Variants in DNAJC17 observed in about 807,000 individuals in gnomAD.
The protein encoded by DNAJC17 is dnaJ homolog subfamily C member 17.
In DNAJC17, 35 loss-of-function variants were observed where a neutral mutation model predicts 48.1. That is an observed-to-expected ratio of 0.73 (90% CI 0.56 to 0.96). DNAJC17 has a LOEUF of 0.96. Among genes scored for constraint, DNAJC17 ranks in the 50% least tolerant of loss-of-function variants. The pLI is 0.00. For synonymous variants in DNAJC17, 117 were observed against 142.7 expected (o/e 0.82, Z 1.28); for missense variants, 355 against 377.1 (o/e 0.94, Z 0.48).
chr15:40,770,743 C>A lies in DNAJC17; in HGVS notation c.793-2681G>T. 3 of 1,545,588 alleles carry A rather than the reference C, an allele frequency of 1.9e-6. No homozygotes were observed. Among genetic ancestry groups the A allele is most frequent in the Non-Finnish European group, 2.6e-6 (3 of 1,146,940 alleles). On this transcript the variant is annotated intron_variant, in intron 10 of 10. Coordinates refer to ENST00000220496, the MANE Select transcript of DNAJC17 (RefSeq NM_018163.3). The surrounding 1 kb of genome is among the most constrained non-coding windows in gnomAD (Gnocchi z 5.0). ...ACCCTGCTGGCCCCACCCAAGCCCC[C>A]ACGCCTCTACCGAGAGAGCTCAAGC...
At chr15:40,786,771 G>A (rs1475296624) in intron 1 of DNAJC17, among the ~76,000 whole-genome samples, 2 of 152,194 alleles carry the variant, frequency 1.3e-5, no homozygotes, top group African/African-American at 4.8e-5. Context: ...CCCAGCCTCA[G>A]AAGGACGAAG....
intron 1 of DNAJC17, among the ~76,000 whole-genome samples, chr15:40,783,656 G>A (rs945424707): frequency 2.0e-5 from 3 of 152,198 alleles, no homozygotes; most frequent in Non-Finnish European, 4.4e-5. Context: ...TTGAGGTCTG[G>A]AGTTTGAGAC....
intron 1 of DNAJC17, among the ~76,000 whole-genome samples, chr15:40,782,326 A>C (rs1394015913): frequency 1.3e-5 from 2 of 152,096 alleles, no homozygotes; most frequent in East Asian, 3.8e-4. Context: ...GAGGTTGAGG[A>C]GGGAGGATCA....
At chr15:40,782,003 C>T (rs1293072045) in intron 1 of DNAJC17, among the ~76,000 whole-genome samples, 2 of 151,926 alleles carry the variant, frequency 1.3e-5, no homozygotes, top group African/African-American at 4.8e-5. Context: ...GCGAGAGGAT[C>T]GCTTGAGCCC....
At chr15:40,775,529 C>T (rs1341787571) in intron 7 of DNAJC17, 24 bp downstream of exon 7, 3 of 1,612,712 alleles carry the variant, frequency 1.9e-6, no homozygotes, top group African/African-American at 1.3e-5. Context: ...TGTGAGGTGG[C>T]CCACAGATCC....
chr15:40,765,756 A>C lies in DNAJC17; in HGVS notation c.*2184T>G, dbSNP rs901791482. On this transcript the variant is annotated 3_prime_UTR_variant, in exon 11 of 11. Transcript: ENST00000220496. Reference sequence around the variant, plus strand: ...CTTACTCAGGGCTAGCAGGCAGGGGAGGAAGGACAGGCAAGACCTTCCACC... The same window carrying C: ...CTTACTCAGGGCTAGCAGGCAGGGGCGGAAGGACAGGCAAGACCTTCCACC... 1.2e-5 allele frequency: 8 copies of C among 661,688 alleles called. No homozygotes were observed. Among genetic ancestry groups the C allele is most frequent in the African/African-American group, 3.6e-5 (2 of 54,962 alleles). 41.0% of individuals were successfully genotyped at this position (661,688 alleles called of 1,614,324 possible).
chr15:40,770,804 AGCAGCCT>A lies in DNAJC17; in HGVS notation c.793-2749_793-2743del. 4.5e-6 allele frequency: 7 copies of A among 1,549,920 alleles called. No individual in the cohort carries two copies. The highest frequency in any genetic ancestry group is 6.1e-6 in the Non-Finnish European group (7 of 1,146,914). ...TCCTGGAGCCCCCACCTGCCTACAC[AGCAGCCT>A]ACTCTGCCACCCTGCCATCGGCGCT... On this transcript the variant is annotated intron_variant, in intron 10 of 10. Transcript: ENST00000220496. The surrounding 1 kb of genome is among the most constrained non-coding windows in gnomAD (Gnocchi z 5.0).
intron 10 of DNAJC17, among the ~76,000 whole-genome samples, chr15:40,772,774 A>C (rs1889189475): frequency 6.6e-6 from 1 of 152,202 alleles, no homozygotes; most frequent in Non-Finnish European, 1.5e-5. Context: ...TGTTCCACCA[A>C]GGTGGGGACA....
chr15:40,777,357 G>C (rs1889358157), intron 4 of DNAJC17, among the ~76,000 whole-genome samples: 1 of 148,008 alleles, frequency 6.8e-6, no homozygotes, highest in Admixed American at 6.8e-5. Context: ...ATATTGGGAT[G>C]CTATATGCAC....
At position 40,785,269 on chromosome 15, in the gene DNAJC17, A is replaced by T. The variant is rs530404875; in HGVS notation, c.79-5272T>A. 2.6e-5 allele frequency among the ~76,000 whole-genome samples: 4 copies of T among 152,344 alleles called. No individual in the cohort carries two copies. In the East Asian group the frequency reaches 7.7e-4, roughly 29 times the overall value. ...TATAATAAGCTTGTATTACTTTTCA[A>T]GTGATACAAGAAAAAAACTGGTAAG... On this transcript the variant is annotated intron_variant, in intron 1 of 10. Coordinates refer to ENST00000220496, the MANE Select transcript of DNAJC17 (RefSeq NM_018163.3).
intron 1 of DNAJC17, among the ~76,000 whole-genome samples, chr15:40,790,312 G>A (rs896539481): frequency 2.0e-5 from 3 of 152,156 alleles, no homozygotes; most frequent in Admixed American, 6.5e-5. Context: ...AGAGGCTCAC[G>A]CCTGTAATAC....
intron 10 of DNAJC17, chr15:40,771,132 C>A: frequency 9.7e-7 from 1 of 1,026,480 alleles, no homozygotes; most frequent in Non-Finnish European, 1.4e-6. Context: ...TTCAGGCAGG[C>A]AGAGCTTCTT....
At position 40,770,902 on chromosome 15, in the gene DNAJC17, G is replaced by T; in HGVS notation, c.792+2825C>A. The T allele has an allele frequency of 6.4e-7, 1 of 1,551,510 alleles. No homozygotes were observed. The highest frequency in any genetic ancestry group is 8.7e-7 in the Non-Finnish European group (1 of 1,147,010). On this transcript the variant is annotated intron_variant, in intron 10 of 10. Coordinates refer to ENST00000220496, the MANE Select transcript of DNAJC17 (RefSeq NM_018163.3). The surrounding 1 kb of genome is among the most constrained non-coding windows in gnomAD (Gnocchi z 5.0). ...CTTGTGGACACTCCCTGCTTCCAGAGGACACCTACCCCAGACCTCAGTGAT... is the reference window on the plus strand; with the variant it reads ...CTTGTGGACACTCCCTGCTTCCAGATGACACCTACCCCAGACCTCAGTGAT...
chr15:40,794,238 T>C (rs1889888442), intron 1 of DNAJC17, among the ~76,000 whole-genome samples: 1 of 151,918 alleles, frequency 6.6e-6, no homozygotes. Context: ...TAATCCTAGC[T>C]ACTCAGGAGG....
Position 40,766,169 on chromosome 15 carries a change from C to T in DNAJC17, c.*1771G>A, listed in dbSNP as rs1019773703. On this transcript the variant is annotated 3_prime_UTR_variant, in exon 11 of 11. Coordinates refer to ENST00000220496, the MANE Select transcript of DNAJC17 (RefSeq NM_018163.3). ...GAACCGCAGAAACAGAGTCCGTTCC[C>T]TGGGTCTAGGACTCCACTAGCAGAC... 1 of 335,530 alleles carries T rather than the reference C, an allele frequency of 3.0e-6. No homozygotes were observed. The allele number at this position is 335,530 out of a possible 1,614,324, so 20.8% of individuals were successfully genotyped here. A position where few individuals can be genotyped will look rare whatever the true frequency, so the allele number is the denominator to read the frequency against.
Position 40,776,627 on chromosome 15 carries a change from T to C in DNAJC17, c.296A>G (p.Asp99Gly), listed in dbSNP as rs1456209190. ...LDEKRKKVKL[D>G]LEARERQAQA... ...GGCCTGCCGCTCCCGGGCCTCCAGGTCTAGACACAAGGGTTGAATGACCAG... is the reference window on the plus strand; with the variant it reads ...GGCCTGCCGCTCCCGGGCCTCCAGGCCTAGACACAAGGGTTGAATGACCAG... The change falls in exon 5 of 11, where the codon GAC (aspartate) becomes GGC (glycine). Residue 99 changes from aspartate to glycine, a missense_variant and splice_region_variant. Around this residue, in one of 3 missense-constraint regions of DNAJC17, gnomAD observed 199 missense variants for 199.9 expected, o/e 1.00. Transcript: ENST00000220496. The C allele has an allele frequency of 1.2e-6, 2 of 1,613,698 alleles. No individual in the cohort carries two copies.
At chr15:40,802,420 G>C (rs1890099470) in intron 1 of DNAJC17, among the ~76,000 whole-genome samples, 1 of 152,084 alleles carries the variant, frequency 6.6e-6, no homozygotes, top group South Asian at 2.1e-4. Flanking sequence ...CTGCCTGCCT[G>C]GGCCTCTCGA....
At chr15:40,796,013 G>C (rs1271942327) in intron 1 of DNAJC17, among the ~76,000 whole-genome samples, 1 of 152,202 alleles carries the variant, frequency 6.6e-6, no homozygotes, top group African/African-American at 2.4e-5. Context: ...CTACCTACCG[G>C]GTGGGAATAT....
chr15:40,792,316 CTATAA>C (rs1889828126), intron 1 of DNAJC17: 2 of 315,920 alleles, frequency 6.3e-6, no homozygotes, highest in Non-Finnish European at 9.2e-6. Flanking sequence ...AATTTATATG[CTATAA>C]TATAACCTCC....
Sources: allele counts gnomAD v4.1 joint callset (sites outside exome capture counted in the v4.1 genomes callset), GRCh38; gene constraint gnomAD v4.1.1; regional missense constraint gnomAD v4.1.1; non-coding constraint Gnocchi (gnomAD v3.1); transcripts MANE v1.5; gene names NCBI Gene and HGNC (gene_info 2026-07-23, HGNC 2026-07-21).